The following ARIH1 variants were observed in gnomAD, a reference collection of about 807,000 sequenced individuals.
The protein encoded by ARIH1 is E3 ubiquitin-protein ligase ARIH1.
In ARIH1, 8 loss-of-function variants were observed where a neutral mutation model predicts 85.0. The ratio of observed to expected loss-of-function variants is 0.09; its 90% CI spans 0.06 to 0.17. ARIH1 has a LOEUF of 0.17. Among genes scored for constraint, ARIH1 ranks in the 10% least tolerant of loss-of-function variants. The pLI is 1.00. For missense variants in ARIH1, 311 were observed against 718.1 expected, an observed-to-expected ratio of 0.43 and a Z score of 6.48; for synonymous variants, 238 against 253.6, an observed-to-expected ratio of 0.94 and a Z score of 0.59.
At position 72,474,406 on chromosome 15, in the gene ARIH1, C is replaced by G. The variant is rs1051711823; in HGVS notation, c.-234C>G. 5.4e-6 allele frequency: 3 copies of G among 557,018 alleles called. No homozygotes were observed. Among genetic ancestry groups the G allele is most frequent in the Admixed American group, 3.5e-5 (1 of 28,624 alleles). 34.5% of individuals were successfully genotyped at this position (557,018 alleles called of 1,614,324 possible). On this transcript the variant is annotated 5_prime_UTR_variant, in exon 1 of 14. Transcript: ENST00000379887. ...GAGGCCGGAGCGGAGCCGCGTCTGACTGAGGCGGGCAGCAAGCGGCCCCCT... is the reference window on the plus strand; with the variant it reads ...GAGGCCGGAGCGGAGCCGCGTCTGAGTGAGGCGGGCAGCAAGCGGCCCCCT...
chr15:72,502,455 G>T (rs962820857), intron 1 of ARIH1, among the ~76,000 whole-genome samples: 2 of 152,084 alleles, frequency 1.3e-5, no homozygotes, highest in African/African-American at 2.4e-5. Flanking sequence ...GTATTTATAG[G>T]ATTGCCAACA....
rs2064353152 is a variant in ARIH1, at chr15:72,594,052, T to A, written c.*10760T>A. On this transcript the variant is annotated 3_prime_UTR_variant, in exon 14 of 14. Transcript: ENST00000379887. The stretch of plus-strand genomic sequence containing the variant: ...TCTTGTCATTTATTTAGGTATTAAA[T>A]TTTTTTCTCAGCAATGTTTTGTAGC... 6.6e-6 allele frequency: 1 copy of A among 152,160 alleles called. No homozygotes were observed. The highest frequency in any genetic ancestry group is 1.5e-5 in the Non-Finnish European group (1 of 68,020). 9.4% of individuals were successfully genotyped at this position (152,160 alleles called of 1,614,324 possible).
chr15:72,572,057 CTTTTCA>C, intron 10 of ARIH1, 45 bp from the exon 11 acceptor site: 1 of 1,282,772 alleles, frequency 7.8e-7, no homozygotes, highest in Non-Finnish European at 1.1e-6. Flanking sequence ...TTTTTTTTTC[CTTTTCA>C]TTGATTTTTT....
chr15:72,525,097 G>A (rs1462223367), intron 2 of ARIH1, among the ~76,000 whole-genome samples: 2 of 152,082 alleles, frequency 1.3e-5, no homozygotes, highest in Non-Finnish European at 2.9e-5. Flanking sequence ...CATCATGTTG[G>A]CCAGGCTGGT....
At chr15:72,577,348 A>G (rs2064276290) in intron 11 of ARIH1, among the ~76,000 whole-genome samples, 1 of 152,136 alleles carries the variant, frequency 6.6e-6, no homozygotes, top group Non-Finnish European at 1.5e-5. Flanking sequence ...AAAATTGTGA[A>G]GAAGAGAAAA....
chr15:72,492,096 CA>C (rs1355657708), intron 1 of ARIH1, among the ~76,000 whole-genome samples: 1 of 152,154 alleles, frequency 6.6e-6, no homozygotes, highest in African/African-American at 2.4e-5. Context: ...TTACAGCTTA[CA>C]TATGTACCAT....
intron 1 of ARIH1, among the ~76,000 whole-genome samples, chr15:72,475,408 C>T (rs1188986586): frequency 2.0e-5 from 3 of 152,098 alleles, no homozygotes; most frequent in East Asian, 3.9e-4. Context: ...ACGGGACTTA[C>T]CCCGGCCGTA....
chr15:72,507,226 T>C (rs775936864), intron 1 of ARIH1, among the ~76,000 whole-genome samples: 1 of 152,110 alleles, frequency 6.6e-6, no homozygotes, highest in Non-Finnish European at 1.5e-5. Flanking sequence ...GGTTTCACCA[T>C]GTTGGCCAGG....
intron 2 of ARIH1, among the ~76,000 whole-genome samples, chr15:72,525,843 G>A (rs1336253399): frequency 6.7e-6 from 1 of 149,400 alleles, no homozygotes; most frequent in Non-Finnish European, 1.5e-5. Flanking sequence ...GTCTTGCTAT[G>A]TTGTCCAGGC....
chr15:72,543,100 T>G (rs1170463745), intron 2 of ARIH1, among the ~76,000 whole-genome samples: 2 of 151,276 alleles, frequency 1.3e-5, no homozygotes, highest in Admixed American at 6.6e-5. Flanking sequence ...GCCCAGCTAA[T>G]TTTTTTGTAT....
chr15:72,534,956 A>ATTTTTTTTTTTTTTT (rs1179478559), intron 2 of ARIH1, among the ~76,000 whole-genome samples: 4 of 45,114 alleles, frequency 8.9e-5, no homozygotes, highest in Non-Finnish European at 3.7e-4. Flanking sequence ...TATTGTCTGT[A>ATTTTTTTTTTTTTTT]TTCTTTTTTT....
chr15:72,530,083 TGGAAAG>T (rs2064049045), intron 2 of ARIH1, among the ~76,000 whole-genome samples: 1 of 152,178 alleles, frequency 6.6e-6, no homozygotes, highest in Non-Finnish European at 1.5e-5. Flanking sequence ...AGAGGGTAGA[TGGAAAG>T]AGAAGTAAAA....
rs768370331 is a variant in ARIH1 at position 72,570,160 on chromosome 15, A to C, written c.1027-17A>C. 2 of 1,613,260 alleles carry C rather than the reference A, an allele frequency of 1.2e-6. No individual in the cohort carries two copies. The highest frequency in any genetic ancestry group is 1.7e-6 in the Non-Finnish European group (2 of 1,179,536). On this transcript the variant is annotated splice_polypyrimidine_tract_variant and intron_variant, in intron 9 of 13. Transcript: ENST00000379887. ...CTAGTGTAGCATTGACACCAACTTT[A>C]TAGTTTCTCTTCATAGGAATGTCCC...
In ARIH1 at chr15:72,590,702, C is replaced by T. The variant is rs959492434; in HGVS notation, c.*7410C>T. 1.3e-5 allele frequency: 2 copies of T among 152,298 alleles called. No individual in the cohort carries two copies. Among genetic ancestry groups the T allele is most frequent in the African/African-American group, 2.4e-5 (1 of 41,444 alleles). 9.4% of individuals were successfully genotyped at this position (152,298 alleles called of 1,614,324 possible). On this transcript the variant is annotated 3_prime_UTR_variant, in exon 14 of 14. Transcript: ENST00000379887. ...ACTCAAGCCATCTTCCTGCCACAGC[C>T]TCCTGAGTAACCTAGGACTATAGGT...
At chr15:72,549,174 A>G (rs188016586) in intron 3 of ARIH1, among the ~76,000 whole-genome samples, 2 of 142,844 alleles carry the variant, frequency 1.4e-5, no homozygotes, top group African/African-American at 5.3e-5. Context: ...TGCAACCTCC[A>G]CCCCGCAGTT....
At chr15:72,568,849 A>G (rs1421355899) in intron 9 of ARIH1, among the ~76,000 whole-genome samples, 2 of 152,216 alleles carry the variant, frequency 1.3e-5, no homozygotes, top group Admixed American at 6.5e-5. Context: ...TTAAATTGCT[A>G]TCATTGATGG....
rs1002355543 is a variant in ARIH1, at chr15:72,586,021, C to T, written c.*2729C>T. Reference sequence around the variant, plus strand: ...AACAATTCATTCAGCAGCAGATGGACTTTCAGTGATTTAAAATAAAATTTT... The same window carrying T: ...AACAATTCATTCAGCAGCAGATGGATTTTCAGTGATTTAAAATAAAATTTT... On this transcript the variant is annotated 3_prime_UTR_variant, in exon 14 of 14. Transcript: ENST00000379887. The T allele has an allele frequency of 1.3e-5, 2 of 152,148 alleles. No homozygotes were observed. The highest frequency in any genetic ancestry group is 6.6e-5 in the Admixed American group (1 of 15,262). The allele number at this position is 152,148 out of a possible 1,614,324, so 9.4% of individuals were successfully genotyped here.
At chr15:72,561,345 C>T in intron 5 of ARIH1, 138 bp from the exon 6 acceptor site, 1 of 644,886 alleles carries the variant, frequency 1.6e-6, no homozygotes, top group Non-Finnish European at 2.7e-6. Flanking sequence ...TGTTGATAGC[C>T]TATGTGCATT....
intron 2 of ARIH1, among the ~76,000 whole-genome samples, chr15:72,528,809 G>A (rs1030622157): frequency 1.3e-5 from 2 of 152,046 alleles, no homozygotes; most frequent in African/African-American, 4.8e-5. Flanking sequence ...CTGTGATCAT[G>A]TCACTGTACT....
Sources: allele counts gnomAD v4.1 joint callset (sites outside exome capture counted in the v4.1 genomes callset), GRCh38; gene constraint gnomAD v4.1.1; transcripts MANE v1.5; gene names NCBI Gene and HGNC (gene_info 2026-07-23, HGNC 2026-07-21).